DENND2A: variants seen among roughly 807,000 people sequenced by gnomAD.
DENND2A encodes DENN domain containing 2A.
A neutral mutation model predicts 105.3 loss-of-function variants in DENND2A; 53 were observed. That is an observed-to-expected ratio of 0.50 (90% CI 0.40 to 0.63). The LOEUF (loss-of-function observed/expected upper bound fraction) is 0.63. Among genes scored for constraint, DENND2A ranks in the 30% least tolerant of loss-of-function variants. DENND2A has a pLI of 0.00. For missense variants in DENND2A, 1,138 were observed against 1,279.6 expected (o/e 0.89, Z 1.69); for synonymous variants, 522 against 508.4 (o/e 1.03, Z -0.36).
At chr7:140,536,468 A>T (rs996634607) in intron 14 of DENND2A, among the ~76,000 whole-genome samples, 2 of 151,920 alleles carry the variant, frequency 1.3e-5, no homozygotes, top group African/African-American at 4.8e-5. Context: ...TCTGGGAGGG[A>T]TTCGACTCCA....
At chr7:140,519,564 C>A in intron 19 of DENND2A, 68 bp downstream of exon 19, 2 of 1,438,660 alleles carry the variant, frequency 1.4e-6, no homozygotes, top group Non-Finnish European at 1.9e-6. Flanking sequence ...GTGGAGGGAA[C>A]CGGCTGGGAC....
chr7:140,608,760 G>A (rs900259563), intron 1 of DENND2A, among the ~76,000 whole-genome samples: 3 of 152,026 alleles, frequency 2.0e-5, no homozygotes, highest in Admixed American at 6.6e-5. Flanking sequence ...AAATTACCAT[G>A]ATAAACTTCA....
At chr7:140,580,754 A>G (rs1798508534) in intron 5 of DENND2A, among the ~76,000 whole-genome samples, 1 of 152,054 alleles carries the variant, frequency 6.6e-6, no homozygotes, top group Admixed American at 6.6e-5. Flanking sequence ...CTCCTGCCTC[A>G]GCCTCCCAAG....
chr7:140,606,600 C>T (rs766468792), intron 1 of DENND2A, among the ~76,000 whole-genome samples: 6 of 152,184 alleles, frequency 3.9e-5, no homozygotes, highest in Non-Finnish European at 7.3e-5. Flanking sequence ...TTTAAACCCA[C>T]ACTGCCCTTG....
intron 14 of DENND2A, among the ~76,000 whole-genome samples, chr7:140,533,668 A>G (rs1205108619): frequency 6.6e-6 from 1 of 152,220 alleles, no homozygotes; most frequent in African/African-American, 2.4e-5. Flanking sequence ...GATGCGAGAA[A>G]TGATGACGAC....
chr7:140,622,773 T>C (rs1401537748), intron 1 of DENND2A, among the ~76,000 whole-genome samples: 3 of 152,126 alleles, frequency 2.0e-5, no homozygotes, highest in Non-Finnish European at 1.5e-5. Flanking sequence ...GGTCTTGCTA[T>C]GTTGCCCAGG....
chr7:140,604,350 A>T (rs75496458), intron 2 of DENND2A, among the ~76,000 whole-genome samples: 14 of 152,234 alleles, frequency 9.2e-5, no homozygotes, highest in African/African-American at 2.4e-5. Flanking sequence ...ACGCAAACAC[A>T]TTTTTTTGGC....
chr7:140,537,749 CT>C (rs1465557014), intron 14 of DENND2A, among the ~76,000 whole-genome samples: 1 of 152,200 alleles, frequency 6.6e-6, no homozygotes, highest in Non-Finnish European at 1.5e-5. Flanking sequence ...AGCAATCCTC[CT>C]GCTTTGGCCT....
chr7:140,567,415 T>C (rs1797913417), intron 8 of DENND2A, 142 bp from the exon 9 acceptor site: 1 of 689,864 alleles, frequency 1.4e-6, no homozygotes, highest in Non-Finnish European at 2.3e-6. Context: ...ATAGGTTATG[T>C]AATTATCAGC....
At chr7:140,593,201 CAAGTTTAAT>C (rs1799134681) in intron 3 of DENND2A, among the ~76,000 whole-genome samples, 1 of 152,184 alleles carries the variant, frequency 6.6e-6, no homozygotes, top group African/African-American at 2.4e-5. Context: ...ATCCCGCCTG[CAAGTTTAAT>C]AAGTAAACAT....
intron 3 of DENND2A, among the ~76,000 whole-genome samples, chr7:140,588,886 G>A (rs955979047): frequency 6.6e-6 from 1 of 151,120 alleles, no homozygotes; most frequent in African/African-American, 2.4e-5. Context: ...GGGATTACAT[G>A]CATGTATCAC....
At chr7:140,571,448 C>A (rs1798093877) in intron 6 of DENND2A, among the ~76,000 whole-genome samples, 1 of 152,168 alleles carries the variant, frequency 6.6e-6, no homozygotes. Context: ...AGGCATGAGC[C>A]ACCGTGTTGG....
At position 140,567,304 on chromosome 7, in the gene DENND2A, A is replaced by AAGAGAG. The variant is rs60964847; in HGVS notation, c.1592-37_1592-32dup. The stretch of plus-strand genomic sequence containing the variant: ...TGAGGGAGGGAGAGAGAAAGAGAGA[A>AAGAGAG]AGAGAGAGAGAGAGAGAGAGAGAGA... On this transcript the variant is annotated intron_variant, in intron 8 of 19. Transcript: ENST00000496613. 4,312 of 658,940 alleles carry AAGAGAG rather than the reference A, an allele frequency of 6.5e-3. 72 individuals are homozygous for AAGAGAG. The highest frequency in any genetic ancestry group is 0.058 in the African/African-American group (2,105 of 36,284). 40.8% of individuals were successfully genotyped at this position (658,940 alleles called of 1,614,324 possible).
chr7:140,557,156 G>A (rs981183761), intron 11 of DENND2A, among the ~76,000 whole-genome samples: 1 of 152,054 alleles, frequency 6.6e-6, no homozygotes, highest in Non-Finnish European at 1.5e-5. Context: ...TGTAATCTCA[G>A]CACACTGGGA....
Position 140,640,715 on chromosome 7 carries a change from C to T in DENND2A, c.-459G>A, listed in dbSNP as rs528761710. ...GCCGCGCGCGCTCCCGTGGGGTCCC[C>T]GCCGCCCCCGGCCCCAGCGGCGCGC... On this transcript the variant is annotated 5_prime_UTR_variant, in exon 1 of 20. Transcript: ENST00000496613. The surrounding 1 kb of genome is among the most constrained non-coding windows in gnomAD (Gnocchi z 4.9). 1.8e-3 allele frequency: 256 copies of T among 144,108 alleles called. 2 individuals are homozygous for T. Among genetic ancestry groups the T allele is most frequent in the African/African-American group, 6.2e-3 (244 of 39,338 alleles). The allele number at this position is 144,108 out of a possible 1,614,324, so 8.9% of individuals were successfully genotyped here. A position where few individuals can be genotyped will look rare whatever the true frequency, so the allele number is the denominator to read the frequency against.
At chr7:140,574,065 G>T in intron 5 of DENND2A, 57 bp from the exon 6 acceptor site, 1 of 1,584,734 alleles carries the variant, frequency 6.3e-7, no homozygotes, top group Non-Finnish European at 8.7e-7. Context: ...CTGACCGGGG[G>T]ATAACTGGTG....
chr7:140,636,684 C>CTTTTTT (rs35563637), intron 1 of DENND2A, among the ~76,000 whole-genome samples: 10 of 98,384 alleles, frequency 1.0e-4, no homozygotes, highest in African/African-American at 4.0e-5. Flanking sequence ...CCTCCCCAGC[C>CTTTTTT]TTTTTTTTTT....
chr7:140,633,019 G>A (rs908908498), intron 1 of DENND2A, among the ~76,000 whole-genome samples: 6 of 150,046 alleles, frequency 4.0e-5, no homozygotes, highest in Non-Finnish European at 8.9e-5. Context: ...GTGCCACCAT[G>A]CCCAGCTAAT....
chr7:140,632,343 T>C (rs937217962), intron 1 of DENND2A, among the ~76,000 whole-genome samples: 1 of 152,084 alleles, frequency 6.6e-6, no homozygotes, highest in African/African-American at 2.4e-5. Flanking sequence ...TCCCCTTCCC[T>C]AAACTCAAGC....
Sources: gnomAD v4.1 joint callset for allele counts (sites outside exome capture counted in the v4.1 genomes callset) on GRCh38, gnomAD v4.1.1 for gene constraint, Gnocchi (gnomAD v3.1) non-coding constraint, MANE v1.5 for transcripts, NCBI Gene and HGNC (gene_info 2026-07-23, HGNC 2026-07-21) for gene names.